Variants in NRXN3 observed in about 807,000 individuals in gnomAD.
NRXN3 encodes the protein neurexin 3, also known as neurexin III.
NRXN3 carries 32 observed loss-of-function variants against 137.6 expected under a neutral mutation model. The observed-to-expected ratio is 0.23, with a 90% CI of 0.18 to 0.31. The LOEUF is 0.31. Ranked by LOEUF, NRXN3 falls within the 10% of genes least tolerant of loss-of-function variation. The probability of loss-of-function intolerance (pLI) is 1.00; values close to 1 mark genes in which losing one functional copy is unlikely to be tolerated. For synonymous variants in NRXN3, 798 were observed against 784.5 expected, an observed-to-expected ratio of 1.02 and a Z score of -0.29; for missense variants, 1,574 against 2,062.5, an observed-to-expected ratio of 0.76 and a Z score of 4.59.
At position 79,341,816 on chromosome 14, in the gene NRXN3, T is replaced by C. The variant is rs74248989; in HGVS notation, c.3263-125405T>C. ...AGGAAGTCTGATTAAATGTCCTCAA[T>C]CTATGTGGCAGATCCAAGTAAGACC... On this transcript the variant is annotated intron_variant, in intron 15 of 20. Coordinates refer to ENST00000335750, the MANE Select transcript of NRXN3 (RefSeq NM_001330195.2). Among the ~76,000 whole-genome samples the C allele has an allele frequency of 7.9e-3, 1,199 of 152,302 alleles. 26 individuals carry two copies. In the South Asian group the frequency reaches 0.082, roughly 10 times the overall value.
rs933864773 is a variant in NRXN3 at position 79,647,904 on chromosome 14, A to C, written c.3445-15874A>C. Among the ~76,000 whole-genome samples, 9 of 135,398 alleles carry C rather than the reference A, an allele frequency of 6.6e-5. 2 individuals carry two copies. Among genetic ancestry groups the C allele is most frequent in the Non-Finnish European group, 1.2e-4 (7 of 58,264 alleles). The allele number at this position is 135,398 out of a possible 152,430, so 88.8% of individuals were successfully genotyped here. On this transcript the variant is annotated intron_variant, in intron 16 of 20. Coordinates refer to ENST00000335750, the MANE Select transcript of NRXN3 (RefSeq NM_001330195.2). ...GAAAATTGAGGTTCAGAGAGTTTAAATAATATTGTCAAAAACATATAGGAA... is the reference window on the plus strand; with the variant it reads ...GAAAATTGAGGTTCAGAGAGTTTAACTAATATTGTCAAAAACATATAGGAA...
intron 15 of NRXN3, among the ~76,000 whole-genome samples, chr14:79,144,414 C>A (rs867203948): frequency 6.6e-6 from 1 of 152,196 alleles, no homozygotes; most frequent in Non-Finnish European, 1.5e-5. Context: ...GGACAAGGAA[C>A]AAATGTACTT....
At chr14:79,323,498 A>G (rs926653129) in intron 15 of NRXN3, among the ~76,000 whole-genome samples, 2 of 152,250 alleles carry the variant, frequency 1.3e-5, no homozygotes, top group African/African-American at 2.4e-5. Context: ...AGCATGAGAC[A>G]TTAGGGTTCC....
At chr14:78,926,233 CCTA>C (rs2099290149) in intron 10 of NRXN3, among the ~76,000 whole-genome samples, 1 of 151,882 alleles carries the variant, frequency 6.6e-6, no homozygotes, top group Non-Finnish European at 1.5e-5. Flanking sequence ...CCTACATATA[CCTA>C]TGATAAAGTT....
At chr14:79,582,914 T>A (rs565970464) in intron 16 of NRXN3, among the ~76,000 whole-genome samples, 1 of 152,194 alleles carries the variant, frequency 6.6e-6, no homozygotes, top group Non-Finnish European at 1.5e-5. Context: ...GTACTTGCCT[T>A]TCTCGAAAAC....
At chr14:78,283,970 G>A (rs559537070) in intron 3 of NRXN3, among the ~76,000 whole-genome samples, 55 of 152,272 alleles carry the variant, frequency 3.6e-4, no homozygotes, top group African/African-American at 1.3e-3. Flanking sequence ...TACCTTTGTG[G>A]GGGTTCCACT....
chr14:78,545,416 C>T (rs1458389962), intron 4 of NRXN3, among the ~76,000 whole-genome samples: 2 of 152,042 alleles, frequency 1.3e-5, no homozygotes, highest in Admixed American at 6.6e-5. Context: ...TGATGTCTCC[C>T]CTCTTCTCCT....
At chr14:78,926,881 TATATTTA>T (rs2099302241) in intron 10 of NRXN3, among the ~76,000 whole-genome samples, 1 of 21,214 alleles carries the variant, frequency 4.7e-5, no homozygotes, top group Non-Finnish European at 6.6e-5. Flanking sequence ...TAATATATAA[TATATTTA>T]TATATATATA....
chr14:78,405,234 A>C (rs17107503), intron 4 of NRXN3, among the ~76,000 whole-genome samples: 16,661 of 152,094 alleles, frequency 0.11, 1,482 homozygotes, highest in African/African-American at 0.24. Context: ...AGTGAGGTAA[A>C]ACTAGCAAAG....
chr14:79,324,866 T>C (rs1182150168), intron 15 of NRXN3, among the ~76,000 whole-genome samples: 1 of 152,208 alleles, frequency 6.6e-6, no homozygotes, highest in African/African-American at 2.4e-5. Context: ...GTGTGTATTA[T>C]ATGCATATGT....
chr14:78,286,672 G>C (rs2075220193), intron 3 of NRXN3, among the ~76,000 whole-genome samples: 1 of 152,168 alleles, frequency 6.6e-6, no homozygotes, highest in Non-Finnish European at 1.5e-5. Context: ...AATGCTGCCA[G>C]CTTATTAGAG....
At chr14:79,121,602 T>G (rs1316241025) in intron 15 of NRXN3, among the ~76,000 whole-genome samples, 1 of 152,208 alleles carries the variant, frequency 6.6e-6, no homozygotes, top group East Asian at 1.9e-4. Context: ...CATGGGTTTA[T>G]CACTTGGAGA....
In NRXN3 at chr14:78,887,296, A is replaced by G. The variant is rs142452466; in HGVS notation, c.2276-69946A>G. Reference sequence around the variant, plus strand: ...TAGAATTCAAATACAGTTTTGACTGAGCTCAAAGCTTGTGTAATCACCACT... The same window carrying G: ...TAGAATTCAAATACAGTTTTGACTGGGCTCAAAGCTTGTGTAATCACCACT... On this transcript the variant is annotated intron_variant, in intron 10 of 20. Transcript: ENST00000335750. Among the ~76,000 whole-genome samples, 19 of 152,246 alleles carry G rather than the reference A, an allele frequency of 1.2e-4. No homozygotes were observed. In the East Asian group the frequency reaches 3.7e-3, roughly 29 times the overall value.
At chr14:79,406,157 T>C (rs1311372261) in intron 15 of NRXN3, among the ~76,000 whole-genome samples, 2 of 152,100 alleles carry the variant, frequency 1.3e-5, no homozygotes, top group African/African-American at 4.8e-5. Flanking sequence ...CACCTGACAT[T>C]CTTTTAGGTT....
intron 1 of NRXN3, among the ~76,000 whole-genome samples, chr14:78,234,146 A>G (rs7161683): frequency 0.26 from 40,112 of 152,124 alleles, 5,420 homozygotes; most frequent in East Asian, 0.33. Flanking sequence ...ATCTTCTGCC[A>G]TGATTGTGAG....
intron 15 of NRXN3, among the ~76,000 whole-genome samples, chr14:79,362,085 G>A (rs1016769708): frequency 2.0e-5 from 3 of 148,684 alleles, no homozygotes; most frequent in Non-Finnish European, 4.5e-5. Context: ...TCAGCCTCCC[G>A]AGTAGCTGGG....
intron 2 of NRXN3, among the ~76,000 whole-genome samples, chr14:78,273,682 A>G (rs1216653357): frequency 6.6e-6 from 1 of 152,206 alleles, no homozygotes; most frequent in Non-Finnish European, 1.5e-5. Flanking sequence ...ATGTGTGTAT[A>G]CATATGTGTG....
chr14:79,854,612 C>G (rs898915127), intron 20 of NRXN3, among the ~76,000 whole-genome samples: 1 of 152,112 alleles, frequency 6.6e-6, no homozygotes, highest in Non-Finnish European at 1.5e-5. Context: ...TTTTCACCAC[C>G]GTGTTTAAAG....
intron 4 of NRXN3, among the ~76,000 whole-genome samples, chr14:78,432,428 T>C (rs1427627502): frequency 1.3e-5 from 2 of 152,062 alleles, no homozygotes; most frequent in East Asian, 3.9e-4. Context: ...CTCTGAGAAG[T>C]ATCAAGCTGT....
Sources: gnomAD v4.1 joint callset for allele counts (sites outside exome capture counted in the v4.1 genomes callset) on GRCh38, gnomAD v4.1.1 for gene constraint, MANE v1.5 for transcripts, NCBI Gene and HGNC (gene_info 2026-07-23, HGNC 2026-07-21) for gene names.